LRGUK: variants seen among roughly 807,000 people sequenced by gnomAD.
The protein encoded by LRGUK is leucine rich repeats and guanylate kinase domain containing.
In LRGUK, 65 loss-of-function variants were observed where a neutral mutation model predicts 76.0. The observed-to-expected ratio is 0.85, with a 90% CI of 0.70 to 1.05. The LOEUF (loss-of-function observed/expected upper bound fraction) is 1.05. LRGUK is among the 50% of genes least tolerant of loss of function. The probability of loss-of-function intolerance (pLI) is 0.00; values close to 1 mark genes in which losing one functional copy is unlikely to be tolerated. For synonymous variants in LRGUK, 268 were observed against 265.6 expected, an observed-to-expected ratio of 1.01 and a Z score of -0.09; for missense variants, 758 against 732.8, an observed-to-expected ratio of 1.03 and a Z score of -0.40.
chr7:134,272,582 C>T, the LRGUK span, among the ~76,000 whole-genome samples: 1 of 152,122 alleles, frequency 6.6e-6, no homozygotes, highest in African/African-American at 2.4e-5. Flanking sequence ...TTAAATGATA[C>T]ATAAAATACC....
At chr7:134,251,832 G>A (rs1174624726) in intron 18 of LRGUK, among the ~76,000 whole-genome samples, 2 of 152,170 alleles carry the variant, frequency 1.3e-5, no homozygotes, top group Non-Finnish European at 2.9e-5. Context: ...TAAATCTAAA[G>A]AGAAGATCCC....
At chr7:134,127,387 C>T (rs1554449293) in exon 1 of LRGUK, 1 of 1,609,704 alleles carries the variant, frequency 6.2e-7, no homozygotes, top group Non-Finnish European at 8.5e-7. Flanking sequence ...TCCGAGAGGG[C>T]TCTCCTGAGG....
chr7:134,149,121 A>AG (rs561559164), intron 5 of LRGUK, among the ~76,000 whole-genome samples: 2 of 148,840 alleles, frequency 1.3e-5, no homozygotes, highest in South Asian at 4.3e-4. Flanking sequence ...AAAAAAAAAA[A>AG]AACAACTTTT....
chr7:134,161,834 G>C (rs1798748892), intron 6 of LRGUK, among the ~76,000 whole-genome samples: 1 of 151,766 alleles, frequency 6.6e-6, no homozygotes. Context: ...GGGACTACAG[G>C]CACCCGCCAC....
At chr7:134,189,743 C>G (rs1461109059) in intron 11 of LRGUK, among the ~76,000 whole-genome samples, 2 of 152,190 alleles carry the variant, frequency 1.3e-5, no homozygotes, top group East Asian at 3.8e-4. Context: ...CACCAATAGA[C>G]AGAGGGTGTC....
At chr7:134,157,547 G>C (rs1206371036) in intron 5 of LRGUK, among the ~76,000 whole-genome samples, 1 of 152,246 alleles carries the variant, frequency 6.6e-6, no homozygotes, top group South Asian at 2.1e-4. Flanking sequence ...TTTTGAGACG[G>C]AGTCTTGCTC....
chr7:134,257,539 C>T (rs1802615738), intron 18 of LRGUK, among the ~76,000 whole-genome samples: 6 of 152,186 alleles, frequency 3.9e-5, no homozygotes, highest in Admixed American at 3.3e-4. Context: ...GGCATGGTGG[C>T]TTACACTTGT....
In LRGUK at chr7:134,196,221, AC is replaced by A. The variant is rs570905605; in HGVS notation, c.1432-769del. 1.1e-4 allele frequency among the ~76,000 whole-genome samples: 17 copies of A among 152,260 alleles called. No individual in the cohort carries two copies. The South Asian group carries it at 2.1e-3, about 19-fold the overall frequency. ...TCATCAGTTACCCAGTTTAGATTTG[AC>A]CTAGTGGTTTAATGAATATAGTATT... is the stretch of plus-strand genomic sequence containing the variant. On this transcript the variant is annotated intron_variant, in intron 12 of 15. Transcript: ENST00000645682.
chr7:134,230,464 C>T (rs534519844), intron 16 of LRGUK, among the ~76,000 whole-genome samples: 1 of 152,320 alleles, frequency 6.6e-6, no homozygotes, highest in South Asian at 2.1e-4. Context: ...AGATACCCTA[C>T]ACCTCAACCG....
At chr7:134,211,864 G>A (rs1175942081), downstream of LRGUK, among the ~76,000 whole-genome samples, 1 of 152,180 alleles carries the variant, frequency 6.6e-6, no homozygotes, top group Admixed American at 6.5e-5. Context: ...ACAAACTATG[G>A]GAAGGGCAGG....
chr7:134,146,601 A>G lies in LRGUK; in HGVS notation c.589-1637A>G, dbSNP rs548649805. ...ATAACACTTTTATTTGTACATTTCT[A>G]TTTCTTCATATAGTTTGCTAACTTG... On this transcript the variant is annotated intron_variant, in intron 4 of 15. Coordinates refer to ENST00000645682, the Ensembl canonical transcript of LRGUK. 9.2e-5 allele frequency among the ~76,000 whole-genome samples: 14 copies of G among 152,070 alleles called. No individual in the cohort carries two copies. In the South Asian group the frequency reaches 2.1e-3, roughly 23 times the overall value.
rs113060935 is a variant in LRGUK at position 134,197,956 on chromosome 7, T to A, written c.1545+851T>A. Among the ~76,000 whole-genome samples the A allele has an allele frequency of 3.5e-4, 53 of 152,298 alleles. 1 individual carries two copies. Among genetic ancestry groups the A allele is most frequent in the Non-Finnish European group, 5.4e-4 (37 of 68,016 alleles). ...AAAACTAATTCAATTAGATCAAATATACAGAAAACAAAACCTAGGCAAATC... is the reference window on the plus strand; with the variant it reads ...AAAACTAATTCAATTAGATCAAATAAACAGAAAACAAAACCTAGGCAAATC... On this transcript the variant is annotated intron_variant, in intron 13 of 15. Coordinates refer to ENST00000645682, the Ensembl canonical transcript of LRGUK.
chr7:134,236,548 T>G (rs1337615844), intron 16 of LRGUK, among the ~76,000 whole-genome samples: 1 of 152,190 alleles, frequency 6.6e-6, no homozygotes, highest in Admixed American at 6.5e-5. Flanking sequence ...TTCCTGCAAT[T>G]GGCAGTTGGA....
intron 18 of LRGUK, among the ~76,000 whole-genome samples, chr7:134,255,013 G>A (rs541325635): frequency 4.6e-5 from 7 of 151,996 alleles, no homozygotes; most frequent in South Asian, 2.1e-4. Flanking sequence ...TCTATAATGC[G>A]TATGATTTAC....
At chr7:134,247,811 A>AT (rs896431231) in intron 17 of LRGUK, among the ~76,000 whole-genome samples, 167 bp downstream of exon 17, 8 of 152,144 alleles carry the variant, frequency 5.3e-5, no homozygotes, top group Non-Finnish European at 2.9e-5. Context: ...ATTTGTATAC[A>AT]TTTTTAAAAG....
At chr7:134,171,652 C>A (rs1379320773) in intron 7 of LRGUK, among the ~76,000 whole-genome samples, 2 of 152,066 alleles carry the variant, frequency 1.3e-5, no homozygotes, top group Non-Finnish European at 2.9e-5. Flanking sequence ...TGAGAGAATG[C>A]GCTGGACTGG....
At chr7:134,158,483 G>A (rs1023597777) in intron 6 of LRGUK, among the ~76,000 whole-genome samples, 1 of 152,086 alleles carries the variant, frequency 6.6e-6, no homozygotes, top group Non-Finnish European at 1.5e-5. Flanking sequence ...ATTTTTTATA[G>A]TATCTTATTG....
At chr7:134,271,186 A>G in the LRGUK span, among the ~76,000 whole-genome samples, 1 of 151,916 alleles carries the variant, frequency 6.6e-6, no homozygotes, top group Non-Finnish European at 1.5e-5. Context: ...GGTTTGATGT[A>G]TTTATATATT....
chr7:134,196,902 T>C, intron 12 of LRGUK, 90 bp from the exon 13 acceptor site: 1 of 643,286 alleles, frequency 1.6e-6, no homozygotes, highest in East Asian at 2.7e-5. Context: ...TTTTTGAAAT[T>C]ATTTAGAATA....
Sources: allele counts gnomAD v4.1 joint callset (sites outside exome capture counted in the v4.1 genomes callset), GRCh38; gene constraint gnomAD v4.1.1; transcripts MANE v1.5; gene names NCBI Gene and HGNC (gene_info 2026-07-23, HGNC 2026-07-21).